Variants in MED13 observed in about 807,000 individuals in gnomAD.
MED13 encodes the protein mediator of RNA polymerase II transcription subunit 13.
Under a neutral mutation model 225.2 loss-of-function variants are expected in MED13, and 23 were observed. That is an observed-to-expected ratio of 0.10 (90% CI 0.07 to 0.14). The LOEUF is 0.14. Among genes scored for constraint, MED13 ranks in the 10% least tolerant of loss-of-function variants. The pLI is 1.00. For missense variants in MED13, 2,197 were observed against 2,594.5 expected, an observed-to-expected ratio of 0.85 and a Z score of 3.33; for synonymous variants, 942 against 889.2, an observed-to-expected ratio of 1.06 and a Z score of -1.06.
At position 61,992,490 on chromosome 17, in the gene MED13, T is replaced by C. The variant is rs1026148576; in HGVS notation, c.2263+50A>G. On this transcript the variant is annotated intron_variant, in intron 11 of 29. Transcript: ENST00000397786. ...AGTCCAACAATATCAGATCAGTCTG[T>C]AGTAACAATCCTGGAATGCAATATT... 4.5e-6 allele frequency: 5 copies of C among 1,112,324 alleles called. No homozygotes were observed. The Middle Eastern group carries it at 7.6e-4, about 170-fold the overall frequency. 68.9% of individuals were successfully genotyped at this position (1,112,324 alleles called of 1,614,324 possible).
At chr17:61,961,995 TA>T (rs1445455843) in intron 21 of MED13, among the ~76,000 whole-genome samples, 7 of 152,238 alleles carry the variant, frequency 4.6e-5, no homozygotes, top group Admixed American at 4.6e-4. Flanking sequence ...TTAAAACCTA[TA>T]AAACTTTCTG....
At chr17:61,967,158 T>G (rs1408763278) in intron 18 of MED13, among the ~76,000 whole-genome samples, 1 of 152,174 alleles carries the variant, frequency 6.6e-6, no homozygotes, top group Non-Finnish European at 1.5e-5. Flanking sequence ...TTAAATAAAT[T>G]TAAAACATTG....
intron 2 of MED13, among the ~76,000 whole-genome samples, chr17:62,054,941 T>G (rs1272069992): frequency 6.6e-6 from 1 of 152,234 alleles, no homozygotes; most frequent in African/African-American, 2.4e-5. Context: ...CAAGACACAG[T>G]TACCATTTGT....
At chr17:61,946,812 T>C (rs2079855032) in intron 29 of MED13, 105 bp downstream of exon 29, 2 of 1,152,406 alleles carry the variant, frequency 1.7e-6, no homozygotes, top group Non-Finnish European at 2.6e-6. Context: ...GATCCACTGG[T>C]ACACAACTGT....
intron 23 of MED13, among the ~76,000 whole-genome samples, chr17:61,958,024 C>T (rs1015528619): frequency 6.6e-6 from 1 of 151,666 alleles, no homozygotes; most frequent in Non-Finnish European, 1.5e-5. Flanking sequence ...GCCACTACGC[C>T]CAGCTAATGT....
intron 8 of MED13, chr17:62,029,315 A>G (rs190216614): frequency 4.7e-5 from 25 of 529,134 alleles, no homozygotes; most frequent in Non-Finnish European, 7.6e-5. Context: ...CTAGGAAACA[A>G]AACTTTCAGA....
At chr17:61,983,356 C>T (rs2080221185) in intron 15 of MED13, among the ~76,000 whole-genome samples, 2 of 152,136 alleles carry the variant, frequency 1.3e-5, no homozygotes, top group Non-Finnish European at 1.5e-5. Context: ...GCACTCTATA[C>T]ACTAATGCAT....
chr17:62,052,529 T>G lies in MED13; in HGVS notation c.470+8A>C. On this transcript the variant is annotated splice_region_variant and intron_variant, in intron 3 of 29. Transcript: ENST00000397786. The stretch of plus-strand genomic sequence containing the variant: ...AGAAATATCACGTCAGAATTTAAGA[T>G]AGCTTACCTTTTATTTATAGGTTTT... 6.4e-7 allele frequency: 1 copy of G among 1,552,174 alleles called. No individual in the cohort carries two copies. Among genetic ancestry groups the G allele is most frequent in the African/African-American group, 1.4e-5 (1 of 72,856 alleles).
chr17:62,031,656 G>A lies in MED13; in HGVS notation c.815-18C>T. ...GACACCAGCTGAAAGGAAAAAAATG[G>A]GACAGGAAAACCAATTACCTTTGTG... On this transcript the variant is annotated intron_variant, in intron 5 of 29. Transcript: ENST00000397786. The A allele has an allele frequency of 1.3e-6, 2 of 1,507,244 alleles. No homozygotes were observed. The highest frequency in any genetic ancestry group is 1.4e-5 in the South Asian group (1 of 72,962). The allele number at this position is 1,507,244 out of a possible 1,614,324, so 93.4% of individuals were successfully genotyped here.
chr17:61,977,433 T>C (rs376495042), intron 16 of MED13, among the ~76,000 whole-genome samples: 2 of 152,288 alleles, frequency 1.3e-5, no homozygotes, highest in East Asian at 3.9e-4. Flanking sequence ...TATTCTAATA[T>C]TGCACATTTA....
intron 24 of MED13, 31 bp from the exon 25 acceptor site, chr17:61,955,869 A>C: frequency 6.7e-7 from 1 of 1,501,512 alleles, no homozygotes; most frequent in Non-Finnish European, 8.9e-7. Context: ...AAAAAAAAAA[A>C]AAAAAAAAAA....
At chr17:61,965,549 C>T in intron 19 of MED13, 81 bp from the exon 20 acceptor site, 1 of 1,333,738 alleles carries the variant, frequency 7.5e-7, no homozygotes, top group East Asian at 2.5e-5. Flanking sequence ...TAAACAGAAT[C>T]ATAATCCAGT....
chr17:61,972,334 C>T (rs563493560), intron 17 of MED13, among the ~76,000 whole-genome samples: 6 of 152,148 alleles, frequency 3.9e-5, no homozygotes, highest in Non-Finnish European at 8.8e-5. Context: ...AAATGAAGAC[C>T]TTAGGGGGCC....
Position 62,010,585 on chromosome 17 carries a change from T to C in MED13, c.1932A>G (p.Gly644=). ...PSDKFKDDPV[G]PFGQESVTSV... ...ATGTTACACTTTCCTGTCCAAAAGGTCCAACTGGATCATCCTTGAATTTAT... is the reference window on the plus strand; with the variant it reads ...ATGTTACACTTTCCTGTCCAAAAGGCCCAACTGGATCATCCTTGAATTTAT... The change falls in exon 9 of 30, where the codon GGA becomes GGG. Residue 644 remains glycine, a synonymous_variant. Coordinates refer to ENST00000397786, the MANE Select transcript of MED13 (RefSeq NM_005121.3). 1 of 1,476,444 alleles carries C rather than the reference T, an allele frequency of 6.8e-7. No homozygotes were observed. Among genetic ancestry groups the C allele is most frequent in the Non-Finnish European group, 9.0e-7 (1 of 1,111,782 alleles). 91.5% of individuals were successfully genotyped at this position (1,476,444 alleles called of 1,614,324 possible). A position where few individuals can be genotyped will look rare whatever the true frequency, so the allele number is the denominator to read the frequency against.
rs1375381386 is a variant in MED13, at chr17:61,984,353, G to A, written c.2706C>T (p.Val902=). ...KPSEIKDFSY[V]YKPENCQILV... ...GAATTTGACAATTTTCAGGCTTATA[G>A]ACATAAGAAAAATCCTACAATATAA... Residue 902 remains valine, a synonymous_variant, in exon 15 of 30, where the codon GTC becomes GTT. Transcript: ENST00000397786. The A allele has an allele frequency of 2.6e-6, 4 of 1,567,692 alleles. No homozygotes were observed. Among genetic ancestry groups the A allele is most frequent in the Admixed American group, 4.2e-5 (2 of 47,728 alleles).
At position 61,976,761 on chromosome 17, in the gene MED13, G is replaced by A. The variant is rs141179602; in HGVS notation, c.3806-3873C>T. Among the ~76,000 whole-genome samples the A allele has an allele frequency of 6.3e-4, 96 of 152,092 alleles. 1 individual carries two copies. The South Asian group carries it at 0.012, about 18-fold the overall frequency. On this transcript the variant is annotated intron_variant, in intron 16 of 29. Coordinates refer to ENST00000397786, the MANE Select transcript of MED13 (RefSeq NM_005121.3). ...CATTCTGGCTAACACGTTGAAACCC[G>A]TCTCTACTAAAAATACAAAAAATTA...
At chr17:62,015,485 T>G (rs1448354957) in intron 8 of MED13, among the ~76,000 whole-genome samples, 1 of 152,110 alleles carries the variant, frequency 6.6e-6, no homozygotes, top group Non-Finnish European at 1.5e-5. Context: ...TCCATTTGTG[T>G]GAAAGAAAGC....
At chr17:62,058,843 G>A (rs1480953854) in intron 2 of MED13, among the ~76,000 whole-genome samples, 2 of 152,274 alleles carry the variant, frequency 1.3e-5, no homozygotes, top group Non-Finnish European at 2.9e-5. Flanking sequence ...GTAACTGAGG[G>A]TTTAAAGTAT....
chr17:62,023,060 G>GA (rs2080664867), intron 8 of MED13, among the ~76,000 whole-genome samples: 1 of 152,192 alleles, frequency 6.6e-6, no homozygotes, highest in African/African-American at 2.4e-5. Context: ...TAAGTATGGA[G>GA]AAATAGTATC....
Sources: allele counts gnomAD v4.1 joint callset (sites outside exome capture counted in the v4.1 genomes callset), GRCh38; gene constraint gnomAD v4.1.1; transcripts MANE v1.5; gene names NCBI Gene and HGNC (gene_info 2026-07-23, HGNC 2026-07-21).